SVOPL: variants seen among roughly 807,000 people sequenced by gnomAD.
SVOPL encodes the protein SVOP like.
A neutral mutation model predicts 61.0 loss-of-function variants in SVOPL; 60 were observed. The ratio of observed to expected loss-of-function variants is 0.98; its 90% CI spans 0.80 to 1.22. SVOPL has a LOEUF of 1.22. Among genes scored for constraint, SVOPL ranks in the 50% most tolerant of loss-of-function variants. The pLI is 0.00. For synonymous variants in SVOPL, 279 were observed against 250.0 expected (o/e 1.12, Z -1.09); for missense variants, 662 against 643.9 (o/e 1.03, Z -0.30).
chr7:138,661,588 T>C (rs1034859675), intron 5 of SVOPL: 1 of 985,308 alleles, frequency 1.0e-6, no homozygotes, highest in Non-Finnish European at 1.2e-6. Context: ...TTACCGCAAG[T>C]TGCACAATGT....
chr7:138,620,488 C>T (rs1799515978), intron 14 of SVOPL, among the ~76,000 whole-genome samples: 2 of 149,332 alleles, frequency 1.3e-5, no homozygotes, highest in Non-Finnish European at 3.0e-5. Flanking sequence ...AAGCAGCAAG[C>T]TCCATAGCCC....
rs778199638 is a variant in SVOPL, at chr7:138,672,142, AT to A, written c.175-26del. 1.9e-5 allele frequency: 29 copies of A among 1,546,110 alleles called. No individual in the cohort carries two copies. In the East Asian group the frequency reaches 6.1e-4, roughly 33 times the overall value. On this transcript the variant is annotated intron_variant, in intron 3 of 15. Transcript: ENST00000674285. ...CCTTAAAGAAGAGGGACACCATGCCATGTCTAAGTGCCAGCTTGTCATCACT... is the reference window on the plus strand; with the variant it reads ...CCTTAAAGAAGAGGGACACCATGCCAGTCTAAGTGCCAGCTTGTCATCACT...
chr7:138,612,436 T>TAAAAAAAAAAAA (rs60800575), intron 14 of SVOPL, among the ~76,000 whole-genome samples: 10 of 17,856 alleles, frequency 5.6e-4, no homozygotes, highest in South Asian at 5.0e-3. Context: ...AAATAAAAAA[T>TAAAAAAAAAAAA]AAAAAAAAAA....
At chr7:138,688,467 A>C (rs1271954700) in intron 1 of SVOPL, among the ~76,000 whole-genome samples, 2 of 152,002 alleles carry the variant, frequency 1.3e-5, no homozygotes, top group Non-Finnish European at 2.9e-5. Flanking sequence ...CAGGGGTTTC[A>C]CCATGTTGGT....
chr7:138,613,905 C>T (rs1296895422), intron 14 of SVOPL, among the ~76,000 whole-genome samples: 1 of 152,152 alleles, frequency 6.6e-6, no homozygotes, highest in Non-Finnish European at 1.5e-5. Flanking sequence ...AACCAGTTTG[C>T]GATTTTTCCT....
At chr7:138,621,922 C>CTATCTATCTATG (rs1563095727) in intron 13 of SVOPL, among the ~76,000 whole-genome samples, 3 of 47,026 alleles carry the variant, frequency 6.4e-5, no homozygotes, top group Non-Finnish European at 1.0e-4. Flanking sequence ...ATCTATGTAT[C>CTATCTATCTATG]TATCTATGTA....
intron 15 of SVOPL, 84 bp from the exon 16 acceptor site, chr7:138,594,705 A>C: frequency 2.0e-6 from 2 of 985,776 alleles, no homozygotes; most frequent in Non-Finnish European, 2.9e-6. Context: ...TATTTTAGTA[A>C]TAGAAGATTC....
chr7:138,663,358 T>C, intron 4 of SVOPL: 1 of 1,410,630 alleles, frequency 7.1e-7, no homozygotes, highest in East Asian at 2.6e-5. Context: ...AGGCAGATCC[T>C]GCCCCAGGTG....
At chr7:138,673,473 A>T (rs561705344) in intron 3 of SVOPL, among the ~76,000 whole-genome samples, 1 of 152,270 alleles carries the variant, frequency 6.6e-6, no homozygotes, top group South Asian at 2.1e-4. Context: ...CCTGGCCAAC[A>T]TGGCAAAACC....
intron 3 of SVOPL, among the ~76,000 whole-genome samples, chr7:138,673,202 G>A (rs993293236): frequency 2.6e-5 from 4 of 152,198 alleles, no homozygotes; most frequent in African/African-American, 9.6e-5. Flanking sequence ...GGAGGTCTGG[G>A]ATGAAAAAGC....
At chr7:138,621,605 T>C (rs1799565088) in intron 13 of SVOPL, among the ~76,000 whole-genome samples, 1 of 152,194 alleles carries the variant, frequency 6.6e-6, no homozygotes, top group African/African-American at 2.4e-5. Context: ...TTTCTAAAAT[T>C]AGGGATGGGA....
At chr7:138,623,906 G>A (rs750668176) in intron 13 of SVOPL, among the ~76,000 whole-genome samples, 78 of 151,852 alleles carry the variant, frequency 5.1e-4, no homozygotes, top group Non-Finnish European at 8.8e-4. Context: ...CGCAACCTTT[G>A]CCCCCCAGGT....
intron 8 of SVOPL, among the ~76,000 whole-genome samples, chr7:138,648,761 C>CA (rs564702801): frequency 0.03 from 4,185 of 140,104 alleles, 82 homozygotes; most frequent in South Asian, 0.067. Context: ...GACTCCATCT[C>CA]AAAAAAAAAA....
chr7:138,605,640 CAAAAAA>C (rs1159063438), intron 14 of SVOPL, among the ~76,000 whole-genome samples: 1 of 84,286 alleles, frequency 1.2e-5, no homozygotes, highest in African/African-American at 4.9e-5. Context: ...CTAACCTGGG[CAAAAAA>C]AAAAAAAAAA....
At chr7:138,619,559 G>GT (rs1349947291) in intron 14 of SVOPL, among the ~76,000 whole-genome samples, 6 of 51,572 alleles carry the variant, frequency 1.2e-4, no homozygotes, top group African/African-American at 3.2e-4. Flanking sequence ...TTTCTCAGAT[G>GT]TTAAAAAAAA....
intron 6 of SVOPL, among the ~76,000 whole-genome samples, chr7:138,659,314 A>G (rs1484488380): frequency 2.6e-5 from 4 of 152,146 alleles, no homozygotes; most frequent in Non-Finnish European, 5.9e-5. Context: ...CAACATGGCG[A>G]AACCCCGTCT....
At chr7:138,649,980 T>C (rs1801337858) in intron 7 of SVOPL, among the ~76,000 whole-genome samples, 1 of 152,048 alleles carries the variant, frequency 6.6e-6, no homozygotes, top group Non-Finnish European at 1.5e-5. Context: ...TATAGGCGCG[T>C]GCCACCACAC....
At chr7:138,639,929 C>T (rs1352067814) in intron 9 of SVOPL, among the ~76,000 whole-genome samples, 8 of 149,422 alleles carry the variant, frequency 5.4e-5, no homozygotes, top group South Asian at 2.1e-4. Context: ...TTTTTTTTAG[C>T]GGGGAGCGGT....
At chr7:138,689,416 T>C in intron 1 of SVOPL, 1 of 1,287,292 alleles carries the variant, frequency 7.8e-7, no homozygotes, top group South Asian at 1.2e-5. Context: ...CCCTGCCACA[T>C]CGAGATGATC....
Sources: gnomAD v4.1 joint callset for allele counts (sites outside exome capture counted in the v4.1 genomes callset) on GRCh38, gnomAD v4.1.1 for gene constraint, MANE v1.5 for transcripts, NCBI Gene and HGNC (gene_info 2026-07-23, HGNC 2026-07-21) for gene names.